The following MAP2K5 variants were observed in gnomAD, a reference collection of about 807,000 sequenced individuals.
The protein encoded by MAP2K5 is dual specificity mitogen-activated protein kinase kinase 5.
A neutral mutation model predicts 83.1 loss-of-function variants in MAP2K5; 49 were observed. The ratio of observed to expected loss-of-function variants is 0.59; its 90% confidence interval spans 0.47 to 0.75. The LOEUF (loss-of-function observed/expected upper bound fraction) is 0.75. MAP2K5 is among the 30% of genes least tolerant of loss of function. MAP2K5 has a pLI of 0.00. For synonymous variants in MAP2K5, 202 were observed against 191.8 expected (o/e 1.05, Z -0.44); for missense variants, 457 against 557.5 (o/e 0.82, Z 1.82).
chr15:67,603,408 C>T (rs142026534), intron 8 of MAP2K5, among the ~76,000 whole-genome samples: 13 of 152,268 alleles, frequency 8.5e-5, no homozygotes, highest in African/African-American at 7.2e-5. Flanking sequence ...ATTTAGCTAC[C>T]GTTGCTAATG....
Position 67,587,319 on chromosome 15 carries a change from T to C in MAP2K5, c.431+406T>C, listed in dbSNP as rs78915816. Among the ~76,000 whole-genome samples, 3,436 of 152,216 alleles carry C rather than the reference T, an allele frequency of 0.023. 135 individuals carry two copies. Among genetic ancestry groups the C allele is most frequent in the African/African-American group, 0.079 (3,281 of 41,520 alleles). On this transcript the variant is annotated intron_variant, in intron 6 of 21. Transcript: ENST00000178640. This position sits in a 1 kb window ranked among gnomAD's most constrained non-coding sequence, Gnocchi z 4.8. ...GAGCTAAGGAGGTAGACAGGACTTA[T>C]CATGCGGGGCCTCGTAGGCCCTGTA...
In MAP2K5 at chr15:67,646,439, A is replaced by G; in HGVS notation, c.706A>G (p.Arg236Gly). ...TTATGGAGCATTTTTTGTAGAAAACAGGATTTCAATATGTACAGAATTCAT... is the reference window on the plus strand; with the variant it reads ...TTATGGAGCATTTTTTGTAGAAAACGGGATTTCAATATGTACAGAATTCAT... ...GFYGAFFVEN[R>G]ISICTEFMDG... The change falls in exon 11 of 22, where the codon AGG (arginine) becomes GGG (glycine). Residue 236 changes from arginine (R) to glycine (G), a missense_variant. Coordinates refer to ENST00000178640, the MANE Select transcript of MAP2K5 (RefSeq NM_145160.3). The G allele has an allele frequency of 6.2e-7, 1 of 1,600,082 alleles. No homozygotes were observed. The highest frequency in any genetic ancestry group is 8.6e-7 in the Non-Finnish European group (1 of 1,169,300).
At chr15:67,765,580 A>T (rs1414566243) in intron 19 of MAP2K5, among the ~76,000 whole-genome samples, 3 of 152,234 alleles carry the variant, frequency 2.0e-5, no homozygotes, top group Non-Finnish European at 4.4e-5. Context: ...GAATATTAAA[A>T]GCATTTTTCT....
In MAP2K5 at chr15:67,543,499, C is replaced by T; in HGVS notation, c.135+29C>T. ...AGTGGTAATCTCAGTGTCCGGATGC[C>T]AGCAAGGGGGACTCAGGGACTTGAG... On this transcript the variant is annotated intron_variant, in intron 1 of 21. Coordinates refer to ENST00000178640, the MANE Select transcript of MAP2K5 (RefSeq NM_145160.3). The surrounding 1 kb of genome is among the most constrained non-coding windows in gnomAD (Gnocchi z 4.3). 1 of 1,613,396 alleles carries T rather than the reference C, an allele frequency of 6.2e-7. No homozygotes were observed. The highest frequency in any genetic ancestry group is 1.3e-5 in the African/African-American group (1 of 75,020).
At chr15:67,789,221 A>G (rs1386868172) in intron 21 of MAP2K5, among the ~76,000 whole-genome samples, 1 of 152,172 alleles carries the variant, frequency 6.6e-6, no homozygotes, top group African/African-American at 2.4e-5. Flanking sequence ...ATTCCATACT[A>G]TGGATGTATC....
intron 19 of MAP2K5, among the ~76,000 whole-genome samples, chr15:67,752,346 G>C (rs2089737635): frequency 6.6e-6 from 1 of 151,668 alleles, no homozygotes; most frequent in African/African-American, 2.4e-5. Flanking sequence ...ATTTCATATG[G>C]TACTTTTTAG....
intron 4 of MAP2K5, among the ~76,000 whole-genome samples, chr15:67,581,591 C>T (rs1216835385): frequency 6.6e-6 from 1 of 152,126 alleles, no homozygotes; most frequent in African/African-American, 2.4e-5. Context: ...TCTAAGTAAC[C>T]CTTCTAGAAA....
In MAP2K5 at chr15:67,806,775, C is replaced by CTGT. The variant is rs765068086; in HGVS notation, c.*25_*26insTGT. 1 of 1,581,160 alleles carries CTGT rather than the reference C, an allele frequency of 6.3e-7. No homozygotes were observed. Among genetic ancestry groups the CTGT allele is most frequent in the Non-Finnish European group, 8.6e-7 (1 of 1,168,744 alleles). On this transcript the variant is annotated 3_prime_UTR_variant, in exon 22 of 22. Coordinates refer to ENST00000178640, the MANE Select transcript of MAP2K5 (RefSeq NM_145160.3). ...AGGCTGCCGCAGGGCACTGAAAGCC[C>CTGT]AGGACCAGTAACCAAGGAGAACAAC...
rs1004395308 is a variant in MAP2K5 at position 67,638,430 on chromosome 15, C to T, written c.585+7503C>T. Among the ~76,000 whole-genome samples the T allele has an allele frequency of 2.0e-5, 3 of 152,178 alleles. No homozygotes were observed. The highest frequency in any genetic ancestry group is 4.4e-5 in the Non-Finnish European group (3 of 68,036). On this transcript the variant is annotated intron_variant, in intron 9 of 21. Transcript: ENST00000178640. This position sits in a 1 kb window ranked among gnomAD's most constrained non-coding sequence, Gnocchi z 4.5. Reference sequence around the variant, plus strand: ...TTGTTTTTTATGACTGCATAGTATTCCATGGTGTGTATGTACCACATTTTC... The same window carrying T: ...TTGTTTTTTATGACTGCATAGTATTTCATGGTGTGTATGTACCACATTTTC...
At chr15:67,734,668 A>G (rs928852839) in intron 17 of MAP2K5, among the ~76,000 whole-genome samples, 2 of 152,168 alleles carry the variant, frequency 1.3e-5, no homozygotes, top group African/African-American at 4.8e-5. Flanking sequence ...TATCTTATTT[A>G]TGTTTACTGA....
At chr15:67,713,137 AT>A (rs112687929) in intron 16 of MAP2K5, among the ~76,000 whole-genome samples, 9 of 151,992 alleles carry the variant, frequency 5.9e-5, no homozygotes, top group East Asian at 1.9e-4. Context: ...AAAAAAAATC[AT>A]TTTTTTTCCC....
intron 2 of MAP2K5, among the ~76,000 whole-genome samples, chr15:67,551,534 T>C (rs2084511168): frequency 6.6e-6 from 1 of 152,160 alleles, no homozygotes; most frequent in South Asian, 2.1e-4. Flanking sequence ...GGTCTTGCTA[T>C]GTTGTCCAGG....
chr15:67,631,351 A>G (rs1192650857), intron 9 of MAP2K5, among the ~76,000 whole-genome samples: 4 of 152,102 alleles, frequency 2.6e-5, no homozygotes, highest in African/African-American at 9.7e-5. Flanking sequence ...CCCCATTGCC[A>G]TGGTCTTGGA....
intron 20 of MAP2K5, among the ~76,000 whole-genome samples, chr15:67,771,348 C>A (rs1372063105): frequency 3.3e-5 from 5 of 152,312 alleles, no homozygotes; most frequent in African/African-American, 1.2e-4. Context: ...CAGTGCTAAT[C>A]TTATCTCGCT....
intron 17 of MAP2K5, among the ~76,000 whole-genome samples, chr15:67,742,198 A>T (rs1381410294): frequency 6.6e-6 from 1 of 152,184 alleles, no homozygotes; most frequent in Non-Finnish European, 1.5e-5. Context: ...GCCAAGAAAG[A>T]ACTTTGTTAA....
chr15:67,560,327 C>T (rs1449698874), intron 2 of MAP2K5, among the ~76,000 whole-genome samples: 1 of 152,208 alleles, frequency 6.6e-6, no homozygotes, highest in Non-Finnish European at 1.5e-5. Flanking sequence ...TTTTCTAACT[C>T]AGTTTCCTCT....
At chr15:67,550,360 G>A (rs1037466933) in intron 2 of MAP2K5, among the ~76,000 whole-genome samples, 2 of 152,156 alleles carry the variant, frequency 1.3e-5, no homozygotes, top group African/African-American at 4.8e-5. Flanking sequence ...TGATAATATT[G>A]CAGGACAAAA....
At chr15:67,599,799 C>G (rs1170295349) in intron 7 of MAP2K5, among the ~76,000 whole-genome samples, 1 of 151,676 alleles carries the variant, frequency 6.6e-6, no homozygotes, top group Non-Finnish European at 1.5e-5. Context: ...TTTTAAGCAT[C>G]TGGACCAGTG....
intron 17 of MAP2K5, among the ~76,000 whole-genome samples, chr15:67,731,299 C>T (rs754044767): frequency 2.0e-5 from 3 of 152,088 alleles, no homozygotes; most frequent in South Asian, 2.1e-4. Flanking sequence ...CCAGTGAGGT[C>T]GCAGAGAGGG....
Sources: gnomAD v4.1 joint callset for allele counts (sites outside exome capture counted in the v4.1 genomes callset) on GRCh38, gnomAD v4.1.1 for gene constraint, Gnocchi (gnomAD v3.1) non-coding constraint, MANE v1.5 for transcripts, NCBI Gene and HGNC (gene_info 2026-07-23, HGNC 2026-07-21) for gene names.